The following RSU1 variants were observed in gnomAD, a reference collection of about 807,000 sequenced individuals.
The protein encoded by RSU1 is rsu-1.
In RSU1, 26 loss-of-function variants were observed where a neutral mutation model predicts 31.1. The observed-to-expected ratio is 0.84, with a 90% CI of 0.61 to 1.16. RSU1 has a LOEUF of 1.16. Ranked by LOEUF, RSU1 falls within the 50% of genes most tolerant of loss-of-function variation. The pLI, the probability that RSU1 is intolerant of heterozygous loss-of-function variation, is 0.00. For synonymous variants in RSU1, 164 were observed against 136.3 expected (o/e 1.20, Z -1.41); for missense variants, 320 against 339.1 (o/e 0.94, Z 0.44).
At position 16,655,074 on chromosome 10, in the gene RSU1, AAGAGAG is replaced by A. The variant is rs201489029; in HGVS notation, c.731+39943_731+39948del. 8.9e-3 allele frequency among the ~76,000 whole-genome samples: 687 copies of A among 77,520 alleles called. 17 individuals carry two copies. The highest frequency in any genetic ancestry group is 9.3e-3 in the Non-Finnish European group (343 of 37,026). The allele number at this position is 77,520 out of a possible 152,430, so 50.9% of individuals were successfully genotyped here. A position where few individuals can be genotyped will look rare whatever the true frequency, so the allele number is the denominator to read the frequency against. On this transcript the variant is annotated intron_variant, in intron 8 of 8. Transcript: ENST00000345264. ...GTCCCTTAAAAAAAAAAAAAAAAAA[AAGAGAG>A]AGAGAGAGAGAGAAATGCATTCTGT...
At chr10:16,665,212 T>G (rs1229920940) in intron 8 of RSU1, among the ~76,000 whole-genome samples, 1 of 152,192 alleles carries the variant, frequency 6.6e-6, no homozygotes, top group Non-Finnish European at 1.5e-5. Context: ...CCCAAAGTGC[T>G]GGGATTACAG....
At chr10:16,810,975 T>C (rs11254215) in intron 2 of RSU1, among the ~76,000 whole-genome samples, 1 of 150,064 alleles carries the variant, frequency 6.7e-6, no homozygotes, top group Admixed American at 6.7e-5. Context: ...TGAGGCAAGA[T>C]CATGCCACTG....
At position 16,619,610 on chromosome 10, in the gene RSU1, C is replaced by G. The variant is rs148901268; in HGVS notation, c.732-26114G>C. On this transcript the variant is annotated intron_variant, in intron 8 of 8. Coordinates refer to ENST00000345264, the MANE Select transcript of RSU1 (RefSeq NM_012425.4). ...TTTCCTTGAACAAAAGGTGGCAGGA[C>G]AGAGCCCTCAGCTCAATGGTACATC... is the stretch of plus-strand genomic sequence containing the variant. Among the ~76,000 whole-genome samples the G allele has an allele frequency of 5.0e-3, 759 of 152,294 alleles. 6 individuals carry two copies. Among genetic ancestry groups the G allele is most frequent in the African/African-American group, 0.017 (719 of 41,564 alleles).
chr10:16,705,249 C>G (rs998924941), intron 7 of RSU1, among the ~76,000 whole-genome samples: 2 of 152,142 alleles, frequency 1.3e-5, no homozygotes, highest in Non-Finnish European at 2.9e-5. Flanking sequence ...AGTCATCTCT[C>G]AGTATCCATG....
At chr10:16,764,152 A>G (rs1259872536) in intron 4 of RSU1, among the ~76,000 whole-genome samples, 1 of 152,214 alleles carries the variant, frequency 6.6e-6, no homozygotes, top group Non-Finnish European at 1.5e-5. Context: ...ATACAATAAA[A>G]ATTTAACTTC....
chr10:16,813,657 G>A (rs1234122868), intron 2 of RSU1, among the ~76,000 whole-genome samples: 1 of 152,192 alleles, frequency 6.6e-6, no homozygotes, highest in Non-Finnish European at 1.5e-5. Flanking sequence ...AGGTTACACA[G>A]TACTAACTAG....
At chr10:16,728,237 G>T (rs560569118) in intron 7 of RSU1, among the ~76,000 whole-genome samples, 20 of 152,262 alleles carry the variant, frequency 1.3e-4, no homozygotes, top group Middle Eastern at 3.4e-3. Flanking sequence ...CATTGCTGCT[G>T]TCAAAATACG....
At chr10:16,708,259 C>A (rs768627033) in intron 7 of RSU1, among the ~76,000 whole-genome samples, 1 of 152,038 alleles carries the variant, frequency 6.6e-6, no homozygotes, top group Non-Finnish European at 1.5e-5. Context: ...TATATTCTTA[C>A]AATAAAGCTA....
intron 8 of RSU1, among the ~76,000 whole-genome samples, chr10:16,632,443 A>C (rs540637537): frequency 6.6e-6 from 1 of 152,304 alleles, no homozygotes; most frequent in African/African-American, 2.4e-5. Context: ...CGTGTCTTAC[A>C]AAACCCGAGA....
chr10:16,603,565 C>A (rs934361731), intron 8 of RSU1, among the ~76,000 whole-genome samples: 43 of 152,162 alleles, frequency 2.8e-4, no homozygotes, highest in African/African-American at 1.0e-3. Flanking sequence ...AGAATACAGG[C>A]AGAGAAAAAT....
At position 16,631,578 on chromosome 10, in the gene RSU1, C is replaced by A. The variant is rs148988014; in HGVS notation, c.732-38082G>T. Among the ~76,000 whole-genome samples the A allele has an allele frequency of 6.6e-5, 10 of 152,356 alleles. No homozygotes were observed. In the East Asian group the frequency reaches 1.9e-3, roughly 29 times the overall value. ...CACCACGACTTAACAAAAACTCCCT[C>A]ATTTAAGTTTTGCCATTTTCATTTT... On this transcript the variant is annotated intron_variant, in intron 8 of 8. Coordinates refer to ENST00000345264, the MANE Select transcript of RSU1 (RefSeq NM_012425.4).
chr10:16,651,644 C>T (rs2131514889), intron 8 of RSU1, among the ~76,000 whole-genome samples: 1 of 152,292 alleles, frequency 6.6e-6, no homozygotes, highest in Non-Finnish European at 1.5e-5. Flanking sequence ...ACTTTGCATA[C>T]TTTCAAAAAC....
chr10:16,719,807 C>A (rs1482753883), intron 7 of RSU1, among the ~76,000 whole-genome samples: 4 of 152,208 alleles, frequency 2.6e-5, no homozygotes, highest in Non-Finnish European at 4.4e-5. Context: ...TCCTTACCAG[C>A]TTCTCTCATT....
At chr10:16,655,579 T>C (rs549380215) in intron 8 of RSU1, among the ~76,000 whole-genome samples, 13 of 151,822 alleles carry the variant, frequency 8.6e-5, no homozygotes, top group Non-Finnish European at 1.8e-4. Flanking sequence ...AATTGCTTAT[T>C]ATATAATTCA....
In RSU1 at chr10:16,690,860, A is replaced by G. The variant is rs1171977509; in HGVS notation, c.731+4163T>C. Among the ~76,000 whole-genome samples the G allele has an allele frequency of 5.3e-5, 8 of 152,254 alleles. No homozygotes were observed. The East Asian group carries it at 1.5e-3, about 29-fold the overall frequency. ...GTGGGGGAAGGAGGAGGAGGTTCAT[A>G]GGCGTTTTAAGTGCCAAAACCAAAA... On this transcript the variant is annotated intron_variant, in intron 8 of 8. Transcript: ENST00000345264.
At chr10:16,794,019 G>A (rs1837978586) in intron 2 of RSU1, among the ~76,000 whole-genome samples, 1 of 152,104 alleles carries the variant, frequency 6.6e-6, no homozygotes, top group South Asian at 2.1e-4. Flanking sequence ...AGAAGGCAGA[G>A]GAAGGGAGAA....
chr10:16,654,674 C>G (rs369845535), intron 8 of RSU1, among the ~76,000 whole-genome samples: 6 of 90,558 alleles, frequency 6.6e-5, no homozygotes, highest in African/African-American at 2.5e-4. Context: ...ATCTCAAAAA[C>G]AAAAACAAAA....
At chr10:16,599,200 A>G (rs921575319) in intron 8 of RSU1, among the ~76,000 whole-genome samples, 3 of 152,262 alleles carry the variant, frequency 2.0e-5, no homozygotes, top group African/African-American at 7.2e-5. Flanking sequence ...GCAGTTCCTG[A>G]GAGGAAAGAG....
rs979801113 is a variant in RSU1, at chr10:16,754,813, C to T, written c.400+58G>A. 5.7e-6 allele frequency: 6 copies of T among 1,048,182 alleles called. No individual in the cohort carries two copies. In the African/African-American group the frequency reaches 6.6e-5, roughly 12 times the overall value. 64.9% of individuals were successfully genotyped at this position (1,048,182 alleles called of 1,614,324 possible). Reference sequence around the variant, plus strand: ...AGTTTGGGTCCTGGCAAATAAATTTCCCTCTCAGAACGCAAAGTACAAGGT... The same window carrying T: ...AGTTTGGGTCCTGGCAAATAAATTTTCCTCTCAGAACGCAAAGTACAAGGT... On this transcript the variant is annotated intron_variant, in intron 5 of 8. Coordinates refer to ENST00000345264, the MANE Select transcript of RSU1 (RefSeq NM_012425.4).
Sources: gnomAD v4.1 joint callset for allele counts (sites outside exome capture counted in the v4.1 genomes callset) on GRCh38, gnomAD v4.1.1 for gene constraint, MANE v1.5 for transcripts, NCBI Gene and HGNC (gene_info 2026-07-23, HGNC 2026-07-21) for gene names.